Variants in FAAH2 observed in about 807,000 individuals in gnomAD.
FAAH2 encodes the protein fatty-acid amide hydrolase 2.
In FAAH2, 60 loss-of-function variants were observed where a neutral mutation model predicts 36.9. The ratio of observed to expected loss-of-function variants is 1.63; its 90% CI spans 1.32 to 2.02. The LOEUF (loss-of-function observed/expected upper bound fraction) is 2.02, where lower values mean the gene tolerates loss of function less well. Among genes scored for constraint, FAAH2 ranks in the 30% most tolerant of loss-of-function variants. The pLI is 0.00. For synonymous variants in FAAH2, 214 were observed against 143.8 expected (o/e 1.49, Z -3.49); for missense variants, 689 against 397.5 (o/e 1.73, Z -6.23).
At chrX:57,383,844 A>G (rs111963844) in intron 7 of FAAH2, among the ~76,000 whole-genome samples, 65 of 112,036 alleles carry the variant, frequency 5.8e-4, no homozygotes, top group African/African-American at 1.9e-3. Flanking sequence ...ATATGGAACC[A>G]AAAAAGAGCC....
At chrX:57,431,836 C>G (rs764529718) in intron 7 of FAAH2, 82 bp from the exon 8 acceptor site, 78 of 758,481 alleles carry the variant, frequency 1.0e-4, no homozygotes, top group Admixed American at 2.3e-4. Context: ...GCTTTCTGCT[C>G]TGCCATCTTG....
At chrX:57,304,595 T>C (rs2052467858) in intron 2 of FAAH2, among the ~76,000 whole-genome samples, 1 of 111,857 alleles carries the variant, frequency 8.9e-6, no homozygotes, top group Non-Finnish European at 1.9e-5. Flanking sequence ...ACTAAACAAA[T>C]AAGAAATCAC....
At chrX:57,312,285 T>C (rs2052715729) in intron 3 of FAAH2, among the ~76,000 whole-genome samples, 1 of 112,004 alleles carries the variant, frequency 8.9e-6, no homozygotes, top group South Asian at 3.7e-4. Flanking sequence ...TTATGCTTCA[T>C]CTACTGGATT....
chrX:57,330,639 C>T (rs1038540911), intron 3 of FAAH2, among the ~76,000 whole-genome samples: 3 of 111,561 alleles, frequency 2.7e-5, no homozygotes, highest in Non-Finnish European at 5.6e-5. Flanking sequence ...TAAAAACTTG[C>T]TGGTTTTGCG....
At chrX:57,432,377 A>G (rs2056323157) in intron 8 of FAAH2, among the ~76,000 whole-genome samples, 1 of 111,414 alleles carries the variant, frequency 9.0e-6, no homozygotes, top group African/African-American at 3.3e-5. Flanking sequence ...AAGAACAAGG[A>G]CACAGGGGAA....
chrX:57,418,269 C>A (rs6612804), intron 7 of FAAH2, among the ~76,000 whole-genome samples: 1 of 111,317 alleles, frequency 9.0e-6, no homozygotes, highest in African/African-American at 3.3e-5. Flanking sequence ...CAGGCGCCAC[C>A]GGGCTTTGAG....
chrX:57,390,811 T>C (rs993955285), intron 7 of FAAH2, among the ~76,000 whole-genome samples: 1 of 111,638 alleles, frequency 9.0e-6, no homozygotes, highest in Non-Finnish European at 1.9e-5. Context: ...GTCTTTTTGA[T>C]ATAATAATTT....
chrX:57,401,834 G>A (rs190403722), intron 7 of FAAH2, among the ~76,000 whole-genome samples: 11 of 111,419 alleles, frequency 9.9e-5, no homozygotes, highest in South Asian at 3.9e-4. Flanking sequence ...CTATGTTCAG[G>A]TGTATAGTGG....
chrX:57,181,288 G>T, the FAAH2 span, among the ~76,000 whole-genome samples: 2 of 111,754 alleles, frequency 1.8e-5, no homozygotes, highest in African/African-American at 6.5e-5. Context: ...AAGAGAAAAG[G>T]AAGTGAAAGT....
At chrX:57,368,256 T>A (rs1289576068) in intron 5 of FAAH2, among the ~76,000 whole-genome samples, 2 of 102,228 alleles carry the variant, frequency 2.0e-5, no homozygotes, top group Non-Finnish European at 4.0e-5. Context: ...AGAGAATAGT[T>A]AGTGCTGTGC....
At chrX:57,308,748 G>A (rs996506872) in intron 2 of FAAH2, among the ~76,000 whole-genome samples, 41 of 111,111 alleles carry the variant, frequency 3.7e-4, no homozygotes, top group African/African-American at 1.3e-3. Context: ...ATATACACAT[G>A]GCAGTAAAAA....
At chrX:57,149,038 T>C in the FAAH2 span, among the ~76,000 whole-genome samples, 1 of 112,149 alleles carries the variant, frequency 8.9e-6, no homozygotes, top group South Asian at 3.7e-4. Flanking sequence ...TGTCTTTGGT[T>C]CTGTTTATAT....
At chrX:57,443,086 C>T (rs1602683047) in intron 8 of FAAH2, among the ~76,000 whole-genome samples, 1 of 111,307 alleles carries the variant, frequency 9.0e-6, no homozygotes, top group African/African-American at 3.3e-5. Context: ...ATAATTATGT[C>T]TCTTAGAATT....
chrX:57,318,322 G>A (rs1394689674), intron 3 of FAAH2, among the ~76,000 whole-genome samples: 1 of 111,713 alleles, frequency 9.0e-6, no homozygotes, highest in Non-Finnish European at 1.9e-5. Flanking sequence ...AATAAAAAAT[G>A]GTAAAGGGGA....
At chrX:57,392,663 G>C (rs2055194214) in intron 7 of FAAH2, 2 of 670,596 alleles carry the variant, frequency 3.0e-6, no homozygotes, top group East Asian at 3.2e-5. Flanking sequence ...CCATTCACCT[G>C]TTCTGTTTCA....
chrX:57,284,632 C>A (rs745498096), upstream of FAAH2, among the ~76,000 whole-genome samples: 1 of 111,173 alleles, frequency 9.0e-6, no homozygotes, highest in South Asian at 3.8e-4. Flanking sequence ...AACAGGTAGT[C>A]GATTCATGTA....
At chrX:57,338,020 A>C (rs1365712294) in intron 4 of FAAH2, among the ~76,000 whole-genome samples, 1 of 112,163 alleles carries the variant, frequency 8.9e-6, no homozygotes, top group East Asian at 2.8e-4. Context: ...ATCTCAGCCC[A>C]AAAGCTTCTT....
intron 4 of FAAH2, among the ~76,000 whole-genome samples, chrX:57,334,938 C>T (rs1251751371): frequency 5.4e-5 from 6 of 111,566 alleles, no homozygotes; most frequent in Non-Finnish European, 1.1e-4. Context: ...TCAGACAGAT[C>T]ATTGAGACAG....
intron 5 of FAAH2, among the ~76,000 whole-genome samples, chrX:57,351,603 A>T (rs868338294): frequency 9.0e-6 from 1 of 110,558 alleles, no homozygotes; most frequent in Middle Eastern, 4.6e-3. Flanking sequence ...ACAAAAAAGG[A>T]AGAAGACCCA....
Sources: gnomAD v4.1 joint callset for allele counts (sites outside exome capture counted in the v4.1 genomes callset) on GRCh38, gnomAD v4.1.1 for gene constraint, MANE v1.5 for transcripts, NCBI Gene and HGNC (gene_info 2026-07-23, HGNC 2026-07-21) for gene names.